Variants in ADGRG2 observed in about 807,000 individuals in gnomAD.
ADGRG2 encodes adhesion G protein-coupled receptor G2, also known as G protein-coupled receptor 64.
ADGRG2 carries 26 observed loss-of-function variants against 74.1 expected under a neutral mutation model. The observed-to-expected ratio is 0.35, with a 90% CI of 0.26 to 0.49. The LOEUF (loss-of-function observed/expected upper bound fraction) is 0.49, where lower values mean the gene tolerates loss of function less well. Ranked by LOEUF, ADGRG2 falls within the 20% of genes least tolerant of loss-of-function variation. The pLI, the probability that ADGRG2 is intolerant of heterozygous loss-of-function variation, is 0.99. For synonymous variants in ADGRG2, 296 were observed against 295.2 expected, an observed-to-expected ratio of 1.00 and a Z score of -0.03; for missense variants, 619 against 763.1, an observed-to-expected ratio of 0.81 and a Z score of 2.22.
chrX:19,117,260 C>T (rs1451032432), intron 1 of ADGRG2, among the ~76,000 whole-genome samples: 1 of 106,939 alleles, frequency 9.4e-6, no homozygotes, highest in East Asian at 2.9e-4. Flanking sequence ...CGCCACTGCA[C>T]TCCAGCCTGG....
At chrX:19,034,642 GA>G (rs2060896073) in intron 7 of ADGRG2, 2 of 112,315 alleles carry the variant, frequency 1.8e-5, no homozygotes, top group African/African-American at 6.5e-5. Context: ...TTGTCATTAA[GA>G]ATCTTTTAGG....
At chrX:19,005,514 C>A (rs2060209972) in intron 22 of ADGRG2, among the ~76,000 whole-genome samples, 1 of 109,311 alleles carries the variant, frequency 9.1e-6, no homozygotes. Flanking sequence ...AGGTATTTTC[C>A]TTCAGGTGCA....
Position 19,037,468 on chromosome X carries a change from A to G in ADGRG2, c.225T>C (p.Asn75=), listed in dbSNP as rs1431284347. ...GTPEVETTSL[N]DVTLSLLPSN... Reference sequence around the variant, plus strand: ...CACTTGCTTCAGAAAAATTCTTACCATTGAGGCTTGTTGTTTCAACCTCTT... The same window carrying G: ...CACTTGCTTCAGAAAAATTCTTACCGTTGAGGCTTGTTGTTTCAACCTCTT... The change falls in exon 6 of 29, where the codon AAT becomes AAC. Residue 75 remains asparagine, a splice_region_variant and synonymous_variant. Transcript: ENST00000379869. 4.2e-6 allele frequency: 5 copies of G among 1,176,647 alleles called. No homozygotes were observed. In the South Asian group the frequency reaches 7.3e-5, roughly 17 times the overall value.
Position 19,009,681 on chromosome X carries a change from T to C in ADGRG2, c.1367A>G (p.Asn456Ser), listed in dbSNP as rs780539021. The C allele has an allele frequency of 5.0e-5, 60 of 1,206,091 alleles. No individual in the cohort carries two copies. In the Admixed American group the frequency reaches 1.2e-3, roughly 25 times the overall value. The change falls in exon 18 of 29, where the codon AAT (asparagine) becomes AGT (serine). Residue 456 changes from asparagine to serine, a missense_variant. Asn to Ser is a conservative substitution (Grantham distance 46). Transcript: ENST00000379869. ...PSLALAVIRV[N>S]ASSFNTTTFV... ...GGTAGTTGTGTTGAAACTACTGGCA[T>C]TCACTCTGATCACAGCCAGAGCCAA... is the stretch of plus-strand genomic sequence containing the variant.
intron 2 of ADGRG2, among the ~76,000 whole-genome samples, chrX:19,069,970 G>A (rs184168189): frequency 2.7e-5 from 3 of 112,332 alleles, no homozygotes; most frequent in East Asian, 5.7e-4. Context: ...AAAAGAATGC[G>A]CGGTAACACA....
chrX:19,025,094 G>A (rs1601922955), intron 11 of ADGRG2, among the ~76,000 whole-genome samples: 2 of 111,959 alleles, frequency 1.8e-5, no homozygotes, highest in Admixed American at 1.9e-4. Context: ...CCTTCTTTCT[G>A]GGGGTTCCCC....
Position 18,996,103 on chromosome X carries a change from C to T in ADGRG2, c.2664G>A (p.Lys888=). 8.4e-7 allele frequency: 1 copy of T among 1,194,402 alleles called. No individual in the cohort carries two copies. Among genetic ancestry groups the T allele is most frequent in the Non-Finnish European group, 1.1e-6 (1 of 880,447 alleles). The change falls in exon 27 of 29, where the codon AAG becomes AAA. Residue 888 remains lysine, a synonymous_variant. Transcript: ENST00000379869. ...CACAACAAAGATACCGCCTCCATTG[C>T]TTCCTGACATTTTCTTTGGCCACAC... ...FYCVAKENVR[K]QWRRYLCCGK...
rs375170040 is a variant in ADGRG2 at position 19,002,829 on chromosome X, G to C, written c.2230+17C>G. The C allele has an allele frequency of 4.1e-5, 49 of 1,195,659 alleles. No homozygotes were observed. The highest frequency in any genetic ancestry group is 5.5e-5 in the Non-Finnish European group (49 of 884,242). ...GCAGAGAAAGTCCAGGCAACATGCA[G>C]GCAAGCTTATACATACCCCAACCGA... On this transcript the variant is annotated intron_variant, in intron 24 of 28. Coordinates refer to ENST00000379869, the MANE Select transcript of ADGRG2 (RefSeq NM_001079858.3).
intron 3 of ADGRG2, among the ~76,000 whole-genome samples, chrX:19,051,488 G>A (rs2061321526): frequency 8.9e-6 from 1 of 111,844 alleles, no homozygotes; most frequent in South Asian, 3.8e-4. Flanking sequence ...AATGGCCACA[G>A]CAATATTTCT....
chrX:19,065,261 C>CAA (rs749063279), intron 3 of ADGRG2, among the ~76,000 whole-genome samples: 39 of 10,908 alleles, frequency 3.6e-3, no homozygotes, highest in East Asian at 5.1e-3. Context: ...GATCCTGTCT[C>CAA]AAAAAAAAAA....
chrX:19,025,986 GAATA>G (rs1304436626), intron 11 of ADGRG2, among the ~76,000 whole-genome samples: 1 of 111,796 alleles, frequency 8.9e-6, no homozygotes, highest in Non-Finnish European at 1.9e-5. Flanking sequence ...ATATATAAAT[GAATA>G]GTTAGAAAAG....
chrX:19,046,987 G>A (rs1347995574), intron 3 of ADGRG2, among the ~76,000 whole-genome samples: 1 of 112,265 alleles, frequency 8.9e-6, no homozygotes, highest in Non-Finnish European at 1.9e-5. Flanking sequence ...GTGATACAGA[G>A]TAAGGGAAGG....
At chrX:19,115,675 G>A (rs2062498716) in intron 1 of ADGRG2, among the ~76,000 whole-genome samples, 1 of 111,565 alleles carries the variant, frequency 9.0e-6, no homozygotes, top group Non-Finnish European at 1.9e-5. Context: ...AGTGTGGTAG[G>A]AGGCGGCGCG....
Position 19,030,994 on chromosome X carries a change from G to A in ADGRG2, c.348C>T (p.Cys116=). Residue 116 remains cysteine (C), a synonymous_variant, in exon 9 of 29, where the codon TGC becomes TGT. Transcript: ENST00000379869. The part of the protein sequence containing the change: ...QRNICNLSSI[C]NDSAFFRGEI... Reference sequence around the variant, plus strand: ...TACACAAGAACTAACCTGAGTCATTGCAAATAGATGACAAATTGCAGATAT... The same window carrying A: ...TACACAAGAACTAACCTGAGTCATTACAAATAGATGACAAATTGCAGATAT... The A allele has an allele frequency of 8.4e-7, 1 of 1,184,261 alleles. No homozygotes were observed.
chrX:19,108,646 T>C (rs2062358949), intron 1 of ADGRG2, among the ~76,000 whole-genome samples: 1 of 111,788 alleles, frequency 8.9e-6, no homozygotes, highest in Non-Finnish European at 1.9e-5. Flanking sequence ...CAAACAATAC[T>C]GAGCAGAAGT....
At chrX:19,068,576 C>A in intron 3 of ADGRG2, 141 bp downstream of exon 3, 2 of 358,815 alleles carry the variant, frequency 5.6e-6, no homozygotes, top group Non-Finnish European at 9.8e-6. Context: ...GTACTTAATG[C>A]CAATGAACTG....
intron 2 of ADGRG2, among the ~76,000 whole-genome samples, chrX:19,072,652 T>A (rs2061673229): frequency 9.0e-6 from 1 of 111,429 alleles, no homozygotes; most frequent in Non-Finnish European, 1.9e-5. Flanking sequence ...AACTTCCAAA[T>A]GCAGGTAGGA....
At chrX:19,042,471 T>C (rs1601968878) in intron 3 of ADGRG2, among the ~76,000 whole-genome samples, 1 of 111,292 alleles carries the variant, frequency 9.0e-6, no homozygotes, top group Non-Finnish European at 1.9e-5. Context: ...TGGATGGCCA[T>C]AGTTCCAACC....
At chrX:19,078,473 C>T (rs2061790149) in intron 2 of ADGRG2, among the ~76,000 whole-genome samples, 1 of 110,936 alleles carries the variant, frequency 9.0e-6, no homozygotes, top group Admixed American at 9.6e-5. Flanking sequence ...AAGAGGATCG[C>T]TTGAGGCAAG....
Sources: gnomAD v4.1 joint callset for allele counts (sites outside exome capture counted in the v4.1 genomes callset) on GRCh38, gnomAD v4.1.1 for gene constraint, MANE v1.5 for transcripts, NCBI Gene and HGNC (gene_info 2026-07-23, HGNC 2026-07-21) for gene names.